The following INPP4A variants were observed in gnomAD, a reference collection of about 807,000 sequenced individuals.
INPP4A encodes the protein inositol polyphosphate-4-phosphatase, type I, 107kD.
INPP4A carries 33 observed loss-of-function variants against 119.8 expected under a neutral mutation model. The observed-to-expected ratio is 0.28, with a 90% CI of 0.21 to 0.37. INPP4A has a LOEUF of 0.37. Ranked by LOEUF, INPP4A falls within the 10% of genes least tolerant of loss-of-function variation. The pLI is 1.00. For missense variants in INPP4A, 956 were observed against 1,289.9 expected, an observed-to-expected ratio of 0.74 and a Z score of 3.97; for synonymous variants, 496 against 500.7, an observed-to-expected ratio of 0.99 and a Z score of 0.12.
At chr2:98,478,837 G>A (rs1360934974) in intron 1 of INPP4A, among the ~76,000 whole-genome samples, 2 of 152,162 alleles carry the variant, frequency 1.3e-5, no homozygotes, top group Non-Finnish European at 2.9e-5. Flanking sequence ...TTCTGTGGTG[G>A]TGCTATTTTT....
At chr2:98,575,615 T>C (rs1050595256) in intron 23 of INPP4A, among the ~76,000 whole-genome samples, 3 of 152,188 alleles carry the variant, frequency 2.0e-5, no homozygotes, top group African/African-American at 4.8e-5. Flanking sequence ...ATTGGGTCTT[T>C]TGTTTTGCCT....
At chr2:98,544,732 A>T (rs1430007160) in intron 11 of INPP4A, among the ~76,000 whole-genome samples, 2 of 152,162 alleles carry the variant, frequency 1.3e-5, no homozygotes, top group East Asian at 3.8e-4. Flanking sequence ...TACATAATGG[A>T]ATTTCAGGGT....
chr2:98,580,497 C>T (rs541101099), intron 24 of INPP4A, among the ~76,000 whole-genome samples: 1 of 152,366 alleles, frequency 6.6e-6, no homozygotes, highest in South Asian at 2.1e-4. Flanking sequence ...GTGTTCCTGT[C>T]CCCAGTCCTG....
chr2:98,575,846 A>G (rs1256948159), intron 23 of INPP4A, among the ~76,000 whole-genome samples: 1 of 152,226 alleles, frequency 6.6e-6, no homozygotes, highest in Non-Finnish European at 1.5e-5. Context: ...TTGGTGTCAT[A>G]GTGCAGTATC....
intron 1 of INPP4A, among the ~76,000 whole-genome samples, chr2:98,479,042 A>T (rs1385700095): frequency 6.6e-6 from 1 of 152,168 alleles, no homozygotes; most frequent in Non-Finnish European, 1.5e-5. Context: ...GTCAGCCTTC[A>T]TAGGTCGGGC....
In INPP4A at chr2:98,548,776, G is replaced by A. The variant is rs76456523; in HGVS notation, c.1163+2082G>A. On this transcript the variant is annotated intron_variant, in intron 13 of 24. Coordinates refer to ENST00000409851, the MANE Select transcript of INPP4A (RefSeq NM_001134225.2). ...CTGGGGCTTGAGCACAGGGAGTGAC[G>A]CTGCTCTAAGGAATAAGCACATTGG... 3.9e-3 allele frequency among the ~76,000 whole-genome samples: 590 copies of A among 152,278 alleles called. 4 individuals are homozygous for A. The highest frequency in any genetic ancestry group is 0.013 in the African/African-American group (553 of 41,550).
chr2:98,519,912 C>T, intron 2 of INPP4A, 34 bp from the exon 3 acceptor site: 1 of 685,658 alleles, frequency 1.5e-6, no homozygotes, highest in Non-Finnish European at 2.7e-6. Flanking sequence ...CCATCACCGT[C>T]CCCATGGTTT....
chr2:98,542,512 G>A (rs181771571), intron 10 of INPP4A, among the ~76,000 whole-genome samples: 139 of 152,258 alleles, frequency 9.1e-4, no homozygotes, highest in African/African-American at 3.2e-3. Flanking sequence ...ATTTTTGAGA[G>A]TTTTAGTGTT....
At chr2:98,465,010 C>G (rs1263350515) in intron 1 of INPP4A, among the ~76,000 whole-genome samples, 1 of 152,204 alleles carries the variant, frequency 6.6e-6, no homozygotes. Flanking sequence ...AGGAACTGTC[C>G]TTCACTAATG....
chr2:98,532,058 A>G (rs907954816), intron 4 of INPP4A, among the ~76,000 whole-genome samples: 1 of 152,388 alleles, frequency 6.6e-6, no homozygotes, highest in Non-Finnish European at 1.5e-5. Flanking sequence ...AGCTGTGAAC[A>G]GTGGTTAGTT....
chr2:98,457,123 G>C (rs1442857532), intron 1 of INPP4A, among the ~76,000 whole-genome samples: 1 of 152,178 alleles, frequency 6.6e-6, no homozygotes, highest in Non-Finnish European at 1.5e-5. Context: ...TCTCATTGGG[G>C]ATTTGACTGT....
chr2:98,579,157 A>T (rs533667346), intron 24 of INPP4A, among the ~76,000 whole-genome samples: 2 of 151,990 alleles, frequency 1.3e-5, no homozygotes, highest in Admixed American at 1.3e-4. Flanking sequence ...AGTTTAAGCA[A>T]TTCTGCCCTT....
At chr2:98,555,322 AAACAT>A (rs1694254978) in intron 15 of INPP4A, among the ~76,000 whole-genome samples, 1 of 152,264 alleles carries the variant, frequency 6.6e-6, no homozygotes, top group Non-Finnish European at 1.5e-5. Context: ...AGTTACTAGC[AAACAT>A]CTCCCAAACT....
chr2:98,462,308 C>T (rs1041297947), intron 1 of INPP4A, among the ~76,000 whole-genome samples: 3 of 151,980 alleles, frequency 2.0e-5, no homozygotes, highest in African/African-American at 7.2e-5. Flanking sequence ...ATTAGCTGGG[C>T]GTGGTGGCAG....
chr2:98,507,689 C>T (rs981669309), intron 1 of INPP4A, among the ~76,000 whole-genome samples: 1 of 152,114 alleles, frequency 6.6e-6, no homozygotes, highest in Non-Finnish European at 1.5e-5. Flanking sequence ...TGTCTCAGCT[C>T]CCACCATGTG....
intron 10 of INPP4A, among the ~76,000 whole-genome samples, 193 bp from the exon 11 acceptor site, chr2:98,543,684 G>T (rs1575006972): frequency 6.6e-6 from 1 of 152,264 alleles, no homozygotes; most frequent in East Asian, 1.9e-4. Flanking sequence ...TCAGTGGTCT[G>T]CTTTTCATGT....
intron 1 of INPP4A, among the ~76,000 whole-genome samples, chr2:98,497,475 C>T (rs1038705567): frequency 6.6e-6 from 1 of 152,188 alleles, no homozygotes; most frequent in Non-Finnish European, 1.5e-5. Flanking sequence ...CTGGAAAAGC[C>T]ACAGACACTC....
intron 24 of INPP4A, among the ~76,000 whole-genome samples, chr2:98,584,044 C>T (rs1158510435): frequency 6.6e-6 from 1 of 152,218 alleles, no homozygotes; most frequent in African/African-American, 2.4e-5. Context: ...TGTGGCATAG[C>T]TCCTGGTGGC....
intron 1 of INPP4A, among the ~76,000 whole-genome samples, chr2:98,512,261 GCT>G (rs1302978167): frequency 6.6e-6 from 1 of 152,238 alleles, no homozygotes; most frequent in Non-Finnish European, 1.5e-5. Context: ...GCTGAGAGAA[GCT>G]CAGCAGCTCT....
Sources: gnomAD v4.1 joint callset for allele counts (sites outside exome capture counted in the v4.1 genomes callset) on GRCh38, gnomAD v4.1.1 for gene constraint, MANE v1.5 for transcripts, NCBI Gene and HGNC (gene_info 2026-07-23, HGNC 2026-07-21) for gene names.